The following MAF variants were observed in gnomAD, a reference collection of about 807,000 sequenced individuals.
MAF encodes the protein MAF bZIP transcription factor, also known as transcription factor Maf.
Under a neutral mutation model 22.0 loss-of-function variants are expected in MAF, and 10 were observed. That is an observed-to-expected ratio of 0.45 (90% CI 0.28 to 0.77). The LOEUF (loss-of-function observed/expected upper bound fraction) is 0.77. Among genes scored for constraint, MAF ranks in the 30% least tolerant of loss-of-function variants. The pLI, the probability that MAF is intolerant of heterozygous loss-of-function variation, is 0.12. For missense variants in MAF, 544 were observed against 548.4 expected, an observed-to-expected ratio of 0.99 and a Z score of 0.08; for synonymous variants, 337 against 255.8, an observed-to-expected ratio of 1.32 and a Z score of -3.03.
the MAF span, among the ~76,000 whole-genome samples, chr16:79,482,369 G>T: frequency 6.6e-6 from 1 of 152,144 alleles, no homozygotes; most frequent in African/African-American, 2.4e-5. Context: ...GCTTACCACC[G>T]CCTTCTGCCC....
chr16:79,593,098 A>C, downstream of MAF, among the ~76,000 whole-genome samples: 1 of 152,186 alleles, frequency 6.6e-6, no homozygotes, highest in East Asian at 1.9e-4. Context: ...ACAAACAAAC[A>C]AAAAACAAAA....
chr16:79,389,999 A>AC, the MAF span, among the ~76,000 whole-genome samples: 8 of 151,118 alleles, frequency 5.3e-5, no homozygotes, highest in Non-Finnish European at 1.0e-4. Context: ...AAAAAAAAAA[A>AC]AAAATTAAAA....
At chr16:79,210,187 A>T in the MAF span, among the ~76,000 whole-genome samples, 1 of 152,220 alleles carries the variant, frequency 6.6e-6, no homozygotes, top group African/African-American at 2.4e-5. Context: ...TTCAGTTTTC[A>T]GACCAACTCC....
At chr16:79,558,342 G>A in the MAF span, among the ~76,000 whole-genome samples, 3 of 152,148 alleles carry the variant, frequency 2.0e-5, no homozygotes, top group Non-Finnish European at 4.4e-5. Flanking sequence ...AGGGAAGGAA[G>A]AGAGGCTGGT....
chr16:79,236,099 T>C, the MAF span, among the ~76,000 whole-genome samples: 3 of 152,108 alleles, frequency 2.0e-5, no homozygotes, highest in South Asian at 4.1e-4. Context: ...GGTGGGCCTC[T>C]GGAGTGGGCT....
the MAF span, among the ~76,000 whole-genome samples, chr16:79,430,316 G>T: frequency 5.9e-5 from 9 of 152,242 alleles, no homozygotes; most frequent in Non-Finnish European, 1.2e-4. Flanking sequence ...TCAGGGCAGG[G>T]CTGCGTCTGC....
At chr16:79,514,107 A>G in the MAF span, among the ~76,000 whole-genome samples, 1 of 152,202 alleles carries the variant, frequency 6.6e-6, no homozygotes, top group South Asian at 2.1e-4. Context: ...TTGTTTTCAG[A>G]TAAATCACAG....
the MAF span, among the ~76,000 whole-genome samples, chr16:79,262,246 C>G: frequency 2.6e-5 from 4 of 152,164 alleles, no homozygotes; most frequent in Non-Finnish European, 4.4e-5. Context: ...GAGGGCCAGA[C>G]AGCCAGTAGG....
the MAF span, among the ~76,000 whole-genome samples, chr16:79,394,663 C>A: frequency 1.3e-3 from 200 of 152,240 alleles, no homozygotes; most frequent in Non-Finnish European, 2.1e-3. Flanking sequence ...TCATAGAGAG[C>A]AGTGATTCTC....
At chr16:79,536,761 C>T in the MAF span, among the ~76,000 whole-genome samples, 1 of 152,154 alleles carries the variant, frequency 6.6e-6, no homozygotes, top group African/African-American at 2.4e-5. Flanking sequence ...GAGTAACACC[C>T]GTTTACATAG....
chr16:79,566,917 G>C, the MAF span, among the ~76,000 whole-genome samples: 1 of 152,164 alleles, frequency 6.6e-6, no homozygotes, highest in Non-Finnish European at 1.5e-5. Context: ...AATGGACTTG[G>C]ATAGAATCTT....
chr16:79,420,935 G>A, the MAF span, among the ~76,000 whole-genome samples: 1 of 152,196 alleles, frequency 6.6e-6, no homozygotes, highest in East Asian at 1.9e-4. Flanking sequence ...TTGGGAGGCT[G>A]AGACAGGAGA....
chr16:79,559,123 C>A, the MAF span, among the ~76,000 whole-genome samples: 2 of 152,108 alleles, frequency 1.3e-5, no homozygotes, highest in Non-Finnish European at 2.9e-5. Flanking sequence ...AGTGTTGAGC[C>A]TGAGGACACT....
the MAF span, among the ~76,000 whole-genome samples, chr16:79,335,585 G>A: frequency 1.3e-5 from 2 of 152,156 alleles, no homozygotes; most frequent in Non-Finnish European, 2.9e-5. Context: ...GTCAGCCACA[G>A]AAAGTCTGTG....
At chr16:79,388,584 A>G in the MAF span, among the ~76,000 whole-genome samples, 4 of 152,196 alleles carry the variant, frequency 2.6e-5, no homozygotes, top group African/African-American at 9.7e-5. Context: ...CTCTCTCTCT[A>G]TCTATAAGCC....
At chr16:79,334,835 T>C in the MAF span, among the ~76,000 whole-genome samples, 2 of 138,050 alleles carry the variant, frequency 1.4e-5, no homozygotes, top group Non-Finnish European at 1.6e-5. Flanking sequence ...TATACGTCAA[T>C]AAAGTGTGTG....
the MAF span, among the ~76,000 whole-genome samples, chr16:79,421,638 A>AT: frequency 1.9e-3 from 279 of 144,796 alleles, no homozygotes; most frequent in Non-Finnish European, 2.7e-3. Context: ...AAGAAAAGTG[A>AT]TTTTTTTTTT....
the MAF span, among the ~76,000 whole-genome samples, chr16:79,390,180 G>C: frequency 2.0e-5 from 3 of 151,934 alleles, no homozygotes; most frequent in Admixed American, 6.6e-5. Flanking sequence ...CGAATGGACT[G>C]GGCGAATCTG....
chr16:79,225,697 C>A, the MAF span, among the ~76,000 whole-genome samples: 1 of 152,116 alleles, frequency 6.6e-6, no homozygotes, highest in African/African-American at 2.4e-5. Context: ...AACCACACAA[C>A]CCCATCAAAA....
Sources: gnomAD v4.1 joint callset for allele counts (sites outside exome capture counted in the v4.1 genomes callset) on GRCh38, gnomAD v4.1.1 for gene constraint, MANE v1.5 for transcripts, NCBI Gene and HGNC (gene_info 2026-07-23, HGNC 2026-07-21) for gene names.